GALNTL6: variants seen among roughly 807,000 people sequenced by gnomAD.
The protein encoded by GALNTL6 is polypeptide N-acetylgalactosaminyltransferase-like 6.
In GALNTL6, 46 loss-of-function variants were observed where a neutral mutation model predicts 73.7. That is an observed-to-expected ratio of 0.62 (90% CI 0.49 to 0.80). The LOEUF (loss-of-function observed/expected upper bound fraction) is 0.80, where lower values mean the gene tolerates loss of function less well. Ranked by LOEUF, GALNTL6 falls within the 30% of genes least tolerant of loss-of-function variation. The pLI is 0.00. For synonymous variants in GALNTL6, 259 were observed against 263.7 expected (o/e 0.98, Z 0.17); for missense variants, 604 against 755.0 (o/e 0.80, Z 2.34).
Position 172,506,910 on chromosome 4 carries a change from C to T in GALNTL6, c.553+158221C>T, listed in dbSNP as rs1459499773. ...CGCTGAAAAATTAACTCACAAAAGG[C>T]GGGTTAATTGGAGAAAAAAATACAA... is the stretch of plus-strand genomic sequence containing the variant. On this transcript the variant is annotated intron_variant, in intron 5 of 12. Coordinates refer to ENST00000506823, the MANE Select transcript of GALNTL6 (RefSeq NM_001034845.3). Among the ~76,000 whole-genome samples the T allele has an allele frequency of 3.7e-5, 2 of 54,660 alleles. 1 individual carries two copies. The highest frequency in any genetic ancestry group is 9.2e-5 in the African/African-American group (2 of 21,814). The allele number at this position is 54,660 out of a possible 152,430, so 35.9% of individuals were successfully genotyped here. A position where few individuals can be genotyped will look rare whatever the true frequency, so the allele number is the denominator to read the frequency against.
At chr4:173,004,498 T>A (rs946766715) in intron 10 of GALNTL6, among the ~76,000 whole-genome samples, 1 of 151,912 alleles carries the variant, frequency 6.6e-6, no homozygotes, top group Non-Finnish European at 1.5e-5. Flanking sequence ...TAGTGGTGCA[T>A]GATTGTAATC....
At chr4:172,494,241 G>T (rs957956488) in intron 5 of GALNTL6, among the ~76,000 whole-genome samples, 1 of 152,110 alleles carries the variant, frequency 6.6e-6, no homozygotes, top group Non-Finnish European at 1.5e-5. Context: ...GTAATATTAC[G>T]ATTCCTTCAT....
intron 5 of GALNTL6, among the ~76,000 whole-genome samples, chr4:172,405,423 ATATATATATATATATATATATTTTTTT>A (rs1368939990): frequency 8.3e-4 from 17 of 20,602 alleles, no homozygotes; most frequent in African/African-American, 2.0e-3. Context: ...ATATATATAT[ATATATATATATATATATATATTTTTTT>A]TTTTTTTTTT....
chr4:171,823,579 A>G (rs1214863942), intron 2 of GALNTL6, among the ~76,000 whole-genome samples: 2 of 78,452 alleles, frequency 2.5e-5, no homozygotes, highest in East Asian at 1.1e-3. Context: ...GTATATATAT[A>G]TACACACACA....
At chr4:172,205,694 T>C (rs1736088244) in intron 2 of GALNTL6, among the ~76,000 whole-genome samples, 1 of 152,226 alleles carries the variant, frequency 6.6e-6, no homozygotes, top group South Asian at 2.1e-4. Context: ...GTTTGTTCTT[T>C]GCCTGGAAGT....
chr4:172,910,529 A>G (rs886325006), intron 8 of GALNTL6, among the ~76,000 whole-genome samples: 2 of 152,230 alleles, frequency 1.3e-5, no homozygotes, highest in African/African-American at 4.8e-5. Flanking sequence ...AAGGCCCCTG[A>G]CTTTTAAGAT....
At chr4:172,191,571 A>C (rs1040952066) in intron 2 of GALNTL6, among the ~76,000 whole-genome samples, 6 of 152,320 alleles carry the variant, frequency 3.9e-5, no homozygotes, top group African/African-American at 1.4e-4. Context: ...CTTTGGATTC[A>C]CTTCAGTCGG....
In GALNTL6 at chr4:172,609,502, A is replaced by G. The variant is rs372281756; in HGVS notation, c.554-199859A>G. ...TCCCAGGGATAAAACCTACTTGATC[A>G]TGGCGCAGAAGCCTTTTGATGTGCT... On this transcript the variant is annotated intron_variant, in intron 5 of 12. Coordinates refer to ENST00000506823, the MANE Select transcript of GALNTL6 (RefSeq NM_001034845.3). Among the ~76,000 whole-genome samples the G allele has an allele frequency of 1.6e-4, 25 of 152,198 alleles. No homozygotes were observed. In the East Asian group the frequency reaches 3.9e-3, roughly 24 times the overall value.
chr4:172,831,572 C>T (rs1359984508), intron 7 of GALNTL6, among the ~76,000 whole-genome samples: 2 of 152,128 alleles, frequency 1.3e-5, no homozygotes, highest in East Asian at 1.9e-4. Flanking sequence ...GTAAGGAAAC[C>T]GTGAAAGCAC....
At chr4:172,429,208 A>ATTTTATTTTATTTTATTT (rs1731347742) in intron 5 of GALNTL6, among the ~76,000 whole-genome samples, 1 of 144,700 alleles carries the variant, frequency 6.9e-6, no homozygotes, top group Non-Finnish European at 1.5e-5. Flanking sequence ...ATTTTATTTT[A>ATTTTATTTTATTTTATTT]TTTTATTTTA....
intron 3 of GALNTL6, among the ~76,000 whole-genome samples, chr4:172,256,701 A>G (rs542159527): frequency 2.0e-5 from 3 of 151,334 alleles, no homozygotes; most frequent in African/African-American, 7.2e-5. Context: ...TATCTGTCCT[A>G]TCTTGTTATC....
chr4:172,774,959 C>CAACAAT (rs1738988083), intron 5 of GALNTL6, among the ~76,000 whole-genome samples: 3 of 140,614 alleles, frequency 2.1e-5, no homozygotes, highest in Non-Finnish European at 4.6e-5. Context: ...GGCTCCATCT[C>CAACAAT]AATAATAATA....
At chr4:172,382,468 G>A (rs1178439634) in intron 5 of GALNTL6, among the ~76,000 whole-genome samples, 1 of 152,046 alleles carries the variant, frequency 6.6e-6, no homozygotes, top group Non-Finnish European at 1.5e-5. Context: ...TCATTGTTGA[G>A]TTGTAATAAA....
intron 3 of GALNTL6, among the ~76,000 whole-genome samples, chr4:172,235,556 G>C (rs1412312580): frequency 1.3e-5 from 2 of 151,988 alleles, no homozygotes; most frequent in African/African-American, 2.4e-5. Flanking sequence ...TTTTGACTCT[G>C]TTCATCTATT....
intron 5 of GALNTL6, among the ~76,000 whole-genome samples, chr4:172,452,458 T>C (rs1277429319): frequency 6.6e-6 from 1 of 152,172 alleles, no homozygotes; most frequent in Non-Finnish European, 1.5e-5. Flanking sequence ...ACCTCAGTGC[T>C]CTGTACTCTA....
rs1451907472 is a variant in GALNTL6, at chr4:172,069,582, A to ATAACACATATATGTTATATATG, written c.139-160073_139-160072insAACACATATATGTTATATATGT. On this transcript the variant is annotated intron_variant, in intron 2 of 12. Coordinates refer to ENST00000506823, the MANE Select transcript of GALNTL6 (RefSeq NM_001034845.3). ...TATATATAACACATATATGTTATAT[A>ATAACACATATATGTTATATATG]TTATATATATAACACATATATGTTA... Among the ~76,000 whole-genome samples the ATAACACATATATGTTATATATG allele has an allele frequency of 9.5e-5, 2 of 21,014 alleles. 1 individual carries two copies. The highest frequency in any genetic ancestry group is 4.0e-4 in the Non-Finnish European group (2 of 4,956). 13.8% of individuals were successfully genotyped at this position (21,014 alleles called of 152,430 possible).
intron 2 of GALNTL6, among the ~76,000 whole-genome samples, chr4:171,887,552 T>C (rs1736638379): frequency 6.6e-6 from 1 of 152,196 alleles, no homozygotes. Flanking sequence ...AAGTCAGTTG[T>C]GCTAACACAG....
intron 5 of GALNTL6, among the ~76,000 whole-genome samples, chr4:172,487,688 A>G (rs182537856): frequency 2.0e-5 from 3 of 152,042 alleles, no homozygotes; most frequent in East Asian, 1.9e-4. Flanking sequence ...ACACCCGACC[A>G]TGTTTTGTTT....
At chr4:172,666,900 A>G (rs1731696811) in intron 5 of GALNTL6, 1 of 152,210 alleles carries the variant, frequency 6.6e-6, no homozygotes, top group Non-Finnish European at 1.5e-5. Context: ...CTTCTAGTGA[A>G]AGCCACTGTA....
Sources: gnomAD v4.1 joint callset for allele counts (sites outside exome capture counted in the v4.1 genomes callset) on GRCh38, gnomAD v4.1.1 for gene constraint, MANE v1.5 for transcripts, NCBI Gene and HGNC (gene_info 2026-07-23, HGNC 2026-07-21) for gene names.